ADAMTS16: variants seen among roughly 807,000 people sequenced by gnomAD.
ADAMTS16 encodes A disintegrin and metalloproteinase with thrombospondin motifs 16.
In ADAMTS16, 94 loss-of-function variants were observed where a neutral mutation model predicts 145.8. That is an observed-to-expected ratio of 0.64 (90% CI 0.55 to 0.77). The LOEUF (loss-of-function observed/expected upper bound fraction) is 0.77. Ranked by LOEUF, ADAMTS16 falls within the 30% of genes least tolerant of loss-of-function variation. The pLI is 0.00. For synonymous variants in ADAMTS16, 659 were observed against 604.3 expected, an observed-to-expected ratio of 1.09 and a Z score of -1.33; for missense variants, 1,585 against 1,591.5, an observed-to-expected ratio of 1.00 and a Z score of 0.07.
chr5:5,199,764 C>T (rs1252030405), intron 8 of ADAMTS16, among the ~76,000 whole-genome samples: 2 of 152,116 alleles, frequency 1.3e-5, no homozygotes, highest in South Asian at 2.1e-4. Context: ...TAACGAACAC[C>T]CATGGAAACT....
At chr5:5,274,579 GTTTA>G in intron 18 of ADAMTS16, among the ~76,000 whole-genome samples, 2 of 152,080 alleles carry the variant, frequency 1.3e-5, no homozygotes, top group Middle Eastern at 6.8e-3. Context: ...GATGCACCAG[GTTTA>G]TTTATCCAGT....
intron 20 of ADAMTS16, among the ~76,000 whole-genome samples, chr5:5,305,004 C>CACACACACACACA (rs1561000214): frequency 1.2e-5 from 1 of 80,932 alleles, no homozygotes; most frequent in African/African-American, 4.8e-5. Context: ...CACACACACA[C>CACACACACACACA]ATCCCACACC....
intron 7 of ADAMTS16, among the ~76,000 whole-genome samples, chr5:5,190,493 T>C (rs1735634023): frequency 2.6e-5 from 4 of 152,196 alleles, no homozygotes; most frequent in African/African-American, 9.6e-5. Context: ...GTGGAGATAC[T>C]ACGACCAGAT....
intron 17 of ADAMTS16, among the ~76,000 whole-genome samples, chr5:5,258,868 T>C (rs147282724): frequency 1.2e-3 from 188 of 152,204 alleles, no homozygotes; most frequent in African/African-American, 4.2e-3. Flanking sequence ...TTAGTATTTA[T>C]TGATCATTCT....
chr5:5,244,805 T>G (rs557454695), intron 17 of ADAMTS16, among the ~76,000 whole-genome samples: 2 of 152,222 alleles, frequency 1.3e-5, no homozygotes, highest in East Asian at 3.8e-4. Context: ...AACATAAGAT[T>G]GAAATATCAG....
At chr5:5,165,983 C>T (rs1039247169) in intron 3 of ADAMTS16, among the ~76,000 whole-genome samples, 12 of 152,190 alleles carry the variant, frequency 7.9e-5, no homozygotes, top group African/African-American at 2.4e-4. Flanking sequence ...CTTAGCCTTT[C>T]GGTCATTTTC....
intron 18 of ADAMTS16, among the ~76,000 whole-genome samples, chr5:5,283,640 CAG>C (rs1739008853): frequency 6.6e-6 from 1 of 152,242 alleles, no homozygotes; most frequent in Non-Finnish European, 1.5e-5. Context: ...CACAGAGTCA[CAG>C]AGGATGCTGA....
intron 17 of ADAMTS16, among the ~76,000 whole-genome samples, chr5:5,252,138 C>G (rs1054979268): frequency 6.6e-6 from 1 of 152,162 alleles, no homozygotes; most frequent in East Asian, 1.9e-4. Flanking sequence ...CGTGAGCCAC[C>G]GTGCCTGGCC....
chr5:5,232,377 G>A lies in ADAMTS16; in HGVS notation c.1711G>A (p.Gly571Arg). Residue 571 changes from glycine to arginine, a missense_variant, in exon 12 of 23, where the codon GGA becomes AGA. By Grantham distance (125) the Gly-to-Arg change is moderately radical. Around this residue, in one of 3 missense-constraint regions of ADAMTS16, gnomAD observed 298 missense variants for 367.6 expected, o/e 0.81. Transcript: ENST00000274181. ...ATGTTGAAAATTTTAGTGGTGCCGG[G>A]GAGGACAGTGTGTGAAATATGGTGA... ...TICGHDMWCRGGQCVKYGDEG... is the reference protein window; with the variant it reads ...TICGHDMWCRRGQCVKYGDEG... 1.2e-6 allele frequency: 2 copies of A among 1,613,964 alleles called. No homozygotes were observed. The highest frequency in any genetic ancestry group is 2.2e-5 in the South Asian group (2 of 91,068).
Position 5,235,126 on chromosome 5 carries a change from C to T in ADAMTS16, c.1963C>T (p.His655Tyr), listed in dbSNP as rs752453435. The T allele has an allele frequency of 1.9e-6, 3 of 1,600,640 alleles. No homozygotes were observed. The highest frequency in any genetic ancestry group is 2.6e-6 in the Non-Finnish European group (3 of 1,169,046). Residue 655 changes from histidine (H) to tyrosine (Y), a missense_variant, in exon 13 of 23, where the codon CAC becomes TAC. Around this residue, in one of 3 missense-constraint regions of ADAMTS16, gnomAD observed 834 missense variants for 811.7 expected, o/e 1.03. Coordinates refer to ENST00000274181, the MANE Select transcript of ADAMTS16 (RefSeq NM_139056.4). ...CTTCCGTGCTGCTCAGTGTGCCGAGCACAACAGCAGACGATTCAGAGGGCG... is the reference window on the plus strand; with the variant it reads ...CTTCCGTGCTGCTCAGTGTGCCGAGTACAACAGCAGACGATTCAGAGGGCG... ...VDFRAAQCAE[H>Y]NSRRFRGRHY... is the part of the protein sequence containing the mutation.
rs1560941252 is a variant in ADAMTS16, at chr5:5,190,028, C to G, written c.1105C>G (p.Gln369Glu). 1 of 1,613,072 alleles carries G rather than the reference C, an allele frequency of 6.2e-7. No individual in the cohort carries two copies. The highest frequency in any genetic ancestry group is 8.5e-7 in the Non-Finnish European group (1 of 1,179,574). Reference sequence around the variant, plus strand: ...CACCTTAAGTAGCTTCTGCCAGTGGCAGTCTGGATTGATGGGGAAAGATGG... The same window carrying G: ...CACCTTAAGTAGCTTCTGCCAGTGGGAGTCTGGATTGATGGGGAAAGATGG... Reference protein sequence around the residue: ...DHTLSSFCQWQSGLMGKDGTR... With the variant: ...DHTLSSFCQWESGLMGKDGTR... Residue 369 changes from glutamine (Q) to glutamate (E), a missense_variant, in exon 7 of 23, where the codon CAG becomes GAG. Transcript: ENST00000274181.
In ADAMTS16 at chr5:5,227,505, CTGTGTGTGTGTGTGTGTGTGTGTG is replaced by C. The variant is rs55875918; in HGVS notation, c.1701+4641_1701+4664del. On this transcript the variant is annotated intron_variant, in intron 11 of 22. Coordinates refer to ENST00000274181, the MANE Select transcript of ADAMTS16 (RefSeq NM_139056.4). ...TGTGTGCCTAAAATTAGATCTAATA[CTGTGTGTGTGTGTGTGTGTGTGTG>C]TGTGTGTGTGTGTGTGTGTCTCTAC... Among the ~76,000 whole-genome samples the C allele has an allele frequency of 4.1e-3, 603 of 148,472 alleles. 2 individuals carry two copies. The highest frequency in any genetic ancestry group is 0.011 in the African/African-American group (449 of 40,406).
In ADAMTS16 at chr5:5,262,795, C is replaced by T. The variant is rs145120379; in HGVS notation, c.2789+12C>T. The T allele has an allele frequency of 5.2e-5, 84 of 1,612,138 alleles. No individual in the cohort carries two copies. Among genetic ancestry groups the T allele is most frequent in the Non-Finnish European group, 6.6e-5 (78 of 1,179,478 alleles). On this transcript the variant is annotated intron_variant, in intron 18 of 22. Coordinates refer to ENST00000274181, the MANE Select transcript of ADAMTS16 (RefSeq NM_139056.4). ...GCCTGTCCTCCCAGGTAAGAAGCAT[C>T]GCGTTCATCAAAGCAGGTTTCCCAG...
intron 3 of ADAMTS16, 123 bp downstream of exon 3, chr5:5,146,578 A>T: frequency 9.2e-7 from 1 of 1,091,322 alleles, no homozygotes. Context: ...CAGATTAAGC[A>T]GGAGGAATAT....
intron 10 of ADAMTS16, among the ~76,000 whole-genome samples, chr5:5,215,707 T>TATATAC (rs1215172617): frequency 1.7e-5 from 2 of 119,704 alleles, no homozygotes; most frequent in Non-Finnish European, 3.2e-5. Flanking sequence ...CATATATATA[T>TATATAC]ATATATGTGG....
intron 18 of ADAMTS16, among the ~76,000 whole-genome samples, chr5:5,301,832 G>C (rs1041592171): frequency 3.3e-5 from 5 of 152,222 alleles, no homozygotes; most frequent in African/African-American, 1.2e-4. Context: ...GGATGCCCCT[G>C]TCCTGGGTTC....
At chr5:5,248,253 A>G (rs1737516306) in intron 17 of ADAMTS16, among the ~76,000 whole-genome samples, 1 of 152,214 alleles carries the variant, frequency 6.6e-6, no homozygotes, top group South Asian at 2.1e-4. Context: ...TTTTGATGAA[A>G]TCATGATCTT....
chr5:5,157,772 A>C (rs1048401207), intron 3 of ADAMTS16, among the ~76,000 whole-genome samples: 5 of 152,208 alleles, frequency 3.3e-5, no homozygotes, highest in African/African-American at 1.2e-4. Flanking sequence ...CTTTTCCTTC[A>C]ATGTGTTAAA....
In ADAMTS16 at chr5:5,289,846, T is replaced by C. The variant is rs187393553; in HGVS notation, c.2790-13422T>C. Among the ~76,000 whole-genome samples, 6 of 152,334 alleles carry C rather than the reference T, an allele frequency of 3.9e-5. No homozygotes were observed. In the East Asian group the frequency reaches 1.2e-3, roughly 29 times the overall value. ...TTTACTATCTGGCCCTTTAATAAGA[T>C]ACTTGCCAACTTTTGGGCTAGATGA... On this transcript the variant is annotated intron_variant, in intron 18 of 22. Coordinates refer to ENST00000274181, the MANE Select transcript of ADAMTS16 (RefSeq NM_139056.4).
Sources: gnomAD v4.1 joint callset for allele counts (sites outside exome capture counted in the v4.1 genomes callset) on GRCh38, gnomAD v4.1.1 for gene constraint, gnomAD v4.1.1 regional missense constraint, MANE v1.5 for transcripts, NCBI Gene and HGNC (gene_info 2026-07-23, HGNC 2026-07-21) for gene names.